GP1BA: variants seen among roughly 807,000 people sequenced by gnomAD.
GP1BA encodes the protein platelet glycoprotein Ib alpha chain.
Under a neutral mutation model 5.6 loss-of-function variants are expected in GP1BA, and 3 were observed. The observed-to-expected ratio is 0.53, with a 90% CI of 0.24 to 1.38. GP1BA has a LOEUF of 1.38. Among genes scored for constraint, GP1BA ranks in the 40% most tolerant of loss-of-function variants. GP1BA has a pLI of 0.16. For synonymous variants in GP1BA, 323 were observed against 358.3 expected (o/e 0.90, Z 1.11); for missense variants, 707 against 801.4 (o/e 0.88, Z 1.42).
chr17:4,934,606 C>T lies in GP1BA; in HGVS notation c.*43C>T, dbSNP rs749706554. 1.3e-6 allele frequency: 2 copies of T among 1,597,728 alleles called. No homozygotes were observed. Among genetic ancestry groups the T allele is most frequent in the Admixed American group, 1.7e-5 (1 of 57,292 alleles). On this transcript the variant is annotated 3_prime_UTR_variant, in exon 2 of 2. Coordinates refer to ENST00000329125, the MANE Select transcript of GP1BA (RefSeq NM_000173.7). ...ACCTTGAGAGAAGAGCCTGTGGGCT[C>T]TCCTATTGGAATCTAGTTGGGGGTT...
Position 4,934,561 on chromosome 17 carries a change from T to C in GP1BA, c.1957T>C (p.Ter653ArgextTer8), listed in dbSNP as rs754547537. ...VSIRYSGHSL* is the reference protein window; with the variant it reads ...VSIRYSGHSLR ...CATTAGGTACTCTGGCCACAGCCTCTGAGGGTGGGAGGTTTGGGGACCTTG... is the reference window on the plus strand; with the variant it reads ...CATTAGGTACTCTGGCCACAGCCTCCGAGGGTGGGAGGTTTGGGGACCTTG... The change falls in exon 2 of 2, where the codon TGA becomes CGA. Residue 653 changes from the stop codon to arginine, a stop_lost. Transcript: ENST00000329125. 1.9e-6 allele frequency: 3 copies of C among 1,613,656 alleles called. No individual in the cohort carries two copies. In the African/African-American group the frequency reaches 4.0e-5, roughly 22 times the overall value.
rs1970360253 is a variant in GP1BA, at chr17:4,932,763, C to T, written c.159C>T (p.His53=). The T allele has an allele frequency of 6.2e-7, 1 of 1,614,016 alleles. No individual in the cohort carries two copies. The highest frequency in any genetic ancestry group is 8.5e-7 in the Non-Finnish European group (1 of 1,179,884). The change falls in exon 2 of 2, where the codon CAC becomes CAT. Residue 53 remains histidine, a synonymous_variant. Transcript: ENST00000329125. The surrounding 1 kb of genome is among the most constrained non-coding windows in gnomAD (Gnocchi z 4.8). ...TGCCGAAAGACACAACCATCCTCCA[C>T]CTGAGTGAGAACCTCCTGTACACCT... The part of the protein sequence containing the change: ...PDLPKDTTIL[H]LSENLLYTFS...
chr17:4,934,479 A>T lies in GP1BA; in HGVS notation c.1875A>T (p.Gly625=). 1 of 1,613,788 alleles carries T rather than the reference A, an allele frequency of 6.2e-7. No individual in the cohort carries two copies. Among genetic ancestry groups the T allele is most frequent in the Non-Finnish European group, 8.5e-7 (1 of 1,179,856 alleles). ...PNGRVGPLVA[G]RRPSALSQGR... ...GCCGTGTGGGGCCTCTAGTGGCAGG[A>T]AGGAGGCCCTCAGCTCTGAGTCAGG... Residue 625 remains glycine, a synonymous_variant, in exon 2 of 2, where the codon GGA becomes GGT. Transcript: ENST00000329125.
chr17:4,934,676 T>C lies in GP1BA; in HGVS notation c.*113T>C. 9.4e-7 allele frequency: 1 copy of C among 1,063,898 alleles called. No homozygotes were observed. The allele number at this position is 1,063,898 out of a possible 1,614,324, so 65.9% of individuals were successfully genotyped here. ...GGTGATAGGGAGGGGTCTTAGTTCC[T>C]TTTTCTGTATCAGAAGCCCTGTCTT... On this transcript the variant is annotated 3_prime_UTR_variant, in exon 2 of 2. Transcript: ENST00000329125.
Position 4,933,469 on chromosome 17 carries a change from A to C in GP1BA, c.865A>C (p.Thr289Pro), listed in dbSNP as rs1391726045. 1 of 1,613,976 alleles carries C rather than the reference A, an allele frequency of 6.2e-7. No individual in the cohort carries two copies. Among genetic ancestry groups the C allele is most frequent in the Non-Finnish European group, 8.5e-7 (1 of 1,179,868 alleles). Residue 289 changes from threonine (T) to proline (P), a missense_variant, in exon 2 of 2, where the codon ACA becomes CCA. Coordinates refer to ENST00000329125, the MANE Select transcript of GP1BA (RefSeq NM_000173.7). ...GCPTLGDEGDTDLYDYYPEED... is the reference protein window; with the variant it reads ...GCPTLGDEGDPDLYDYYPEED... Reference sequence around the variant, plus strand: ...CCCCACCCTTGGTGATGAAGGTGACACAGACCTATATGATTACTACCCAGA... The same window carrying C: ...CCCCACCCTTGGTGATGAAGGTGACCCAGACCTATATGATTACTACCCAGA...
At position 4,932,653 on chromosome 17, in the gene GP1BA, C is replaced by T. The variant is rs760705175; in HGVS notation, c.49C>T (p.His17Tyr). Residue 17 changes from histidine (H) to tyrosine (Y), a missense_variant, in exon 2 of 2, where the codon CAC (histidine) becomes TAC (tyrosine). This residue lies in a region of GP1BA where 442 missense variants were observed against 498.8 expected (regional missense o/e 0.89). Coordinates refer to ENST00000329125, the MANE Select transcript of GP1BA (RefSeq NM_000173.7). This position sits in a 1 kb window ranked among gnomAD's most constrained non-coding sequence, Gnocchi z 4.8. The stretch of plus-strand genomic sequence containing the variant: ...CCTGCTGCCAAGCCCCTTACACCCC[C>T]ACCCCATCTGTGAGGTCTCCAAAGT... ...LLLLPSPLHP[H>Y]PICEVSKVAS... The T allele has an allele frequency of 6.2e-7, 1 of 1,613,914 alleles. No homozygotes were observed. Among genetic ancestry groups the T allele is most frequent in the Admixed American group, 1.7e-5 (1 of 60,012 alleles).
rs1279787475 is a variant in GP1BA, at chr17:4,934,793, G to T, written c.*230G>T. 2.0e-5 allele frequency: 12 copies of T among 599,462 alleles called. 1 individual carries two copies. In the East Asian group the frequency reaches 3.5e-4, roughly 17 times the overall value. 37.1% of individuals were successfully genotyped at this position (599,462 alleles called of 1,614,324 possible). A position where few individuals can be genotyped will look rare whatever the true frequency, so the allele number is the denominator to read the frequency against. ...GGGACAAGACAAAGCTCCCGATGCT[G>T]CATGGGGCGCTGCCAGATCTCACGG... On this transcript the variant is annotated 3_prime_UTR_variant, in exon 2 of 2. Transcript: ENST00000329125.
Position 4,933,069 on chromosome 17 carries a change from GC to G in GP1BA, c.470del (p.Pro157GlnfsTer4). 6 of 1,614,000 alleles carry G rather than the reference GC, an allele frequency of 3.7e-6. No individual in the cohort carries two copies. Among genetic ancestry groups the G allele is most frequent in the Non-Finnish European group, 5.1e-6 (6 of 1,179,892 alleles). On this transcript the variant is annotated frameshift_variant, in exon 2 of 2. Coordinates refer to ENST00000329125, the MANE Select transcript of GP1BA (RefSeq NM_000173.7). LOFTEE classifies it low-confidence loss of function (END_TRUNC). Reference protein sequence around the residue: ...YLKGNELKTLPPGLLTPTPKL... With the variant: ...YLKGNELKTLXPGLLTPTPKL... ...TGAAAGGCAATGAGCTGAAGACCCT[GC>G]CCCCAGGGCTCCTGACGCCCACACC...
Position 4,932,461 on chromosome 17 carries a change from G to A in GP1BA, c.-7+96G>A. On this transcript the variant is annotated intron_variant, in intron 1 of 1. Coordinates refer to ENST00000329125, the MANE Select transcript of GP1BA (RefSeq NM_000173.7). The surrounding 1 kb of genome is among the most constrained non-coding windows in gnomAD (Gnocchi z 4.8). ...GTAGTTTTAAGTTCTGCAGGCAAGG[G>A]TGGGAGATGGGAGTAGGGAGGACAG... 7.7e-7 allele frequency: 1 copy of A among 1,301,474 alleles called. No homozygotes were observed. Among genetic ancestry groups the A allele is most frequent in the Non-Finnish European group, 1.0e-6 (1 of 975,576 alleles). 80.6% of individuals were successfully genotyped at this position (1,301,474 alleles called of 1,614,324 possible). A position where few individuals can be genotyped will look rare whatever the true frequency, so the allele number is the denominator to read the frequency against.
Position 4,934,450 on chromosome 17 carries a change from AATGGC to A in GP1BA, c.1847_1851del (p.Asn616ThrfsTer29). 1 of 1,611,782 alleles carries A rather than the reference AATGGC, an allele frequency of 6.2e-7. No individual in the cohort carries two copies. Among genetic ancestry groups the A allele is most frequent in the Non-Finnish European group, 8.5e-7 (1 of 1,177,866 alleles). ...CAGCCTCTTCCTGTGGGTACGGCCT[AATGGC>A]CGTGTGGGGCCTCTAGTGGCAGGAA... On this transcript the variant is annotated frameshift_variant, in exon 2 of 2. Transcript: ENST00000329125. LOFTEE classifies it high-confidence loss of function.
chr17:4,933,144 C>G lies in GP1BA; in HGVS notation c.540C>G (p.Pro180=), dbSNP rs1275586054. The G allele has an allele frequency of 6.2e-7, 1 of 1,613,792 alleles. No homozygotes were observed. The highest frequency in any genetic ancestry group is 2.2e-5 in the East Asian group (1 of 44,902). ...CTAACAACAACTTGACTGAGCTCCC[C>G]GCTGGGCTCCTGAATGGGCTGGAGA... ...SLANNNLTEL[P]AGLLNGLENL... Residue 180 remains proline (P), a synonymous_variant, in exon 2 of 2, where the codon CCC becomes CCG. Coordinates refer to ENST00000329125, the MANE Select transcript of GP1BA (RefSeq NM_000173.7).
rs1970361942 is a variant in GP1BA at position 4,932,827 on chromosome 17, C to A, written c.223C>A (p.Gln75Lys). ...CCTGATGCCTTACACTCGCCTCACTCAGCTGAACCTAGATAGGTGCGAGCT... is the reference window on the plus strand; with the variant it reads ...CCTGATGCCTTACACTCGCCTCACTAAGCTGAACCTAGATAGGTGCGAGCT... ...ATLMPYTRLTQLNLDRCELTK... is the reference protein window; with the variant it reads ...ATLMPYTRLTKLNLDRCELTK... Residue 75 changes from glutamine (Q) to lysine (K), a missense_variant, in exon 2 of 2, where the codon CAG becomes AAG. Physicochemically the swap from Gln to Lys is moderately conservative, Grantham distance 53. This residue lies in a region of GP1BA where 442 missense variants were observed against 498.8 expected (regional missense o/e 0.89). Coordinates refer to ENST00000329125, the MANE Select transcript of GP1BA (RefSeq NM_000173.7). This position sits in a 1 kb window ranked among gnomAD's most constrained non-coding sequence, Gnocchi z 4.8. 6.2e-7 allele frequency: 1 copy of A among 1,613,940 alleles called. No homozygotes were observed. Among genetic ancestry groups the A allele is most frequent in the Non-Finnish European group, 8.5e-7 (1 of 1,179,900 alleles).
rs1248627609 is a variant in GP1BA at position 4,933,640 on chromosome 17, C to A, written c.1036C>A (p.Gln346Lys). ...AATGCCCTCCTCCTTGCATCCAACA[C>A]AAGAATCCACTAAGGAGCAGACCAC... ...SQMPSSLHPT[Q>K]ESTKEQTTFP... Residue 346 changes from glutamine (Q) to lysine (K), a missense_variant, in exon 2 of 2, where the codon CAA becomes AAA. Around this residue, in one of 3 missense-constraint regions of GP1BA, gnomAD observed 442 missense variants for 498.8 expected, o/e 0.89. Transcript: ENST00000329125. 4 of 1,613,790 alleles carry A rather than the reference C, an allele frequency of 2.5e-6. No individual in the cohort carries two copies. The highest frequency in any genetic ancestry group is 3.4e-6 in the Non-Finnish European group (4 of 1,179,834).
Position 4,933,990 on chromosome 17 carries a change from G to C in GP1BA, c.1386G>C (p.Pro462=), listed in dbSNP as rs144154023. ...CAATCCCGACCATCGCCACAAGCCC[G>C]ACCATCCTGGTGTCTGCCACAAGCC... ...PTPIPTIATS[P]TILVSATSLI... The change falls in exon 2 of 2, where the codon CCG becomes CCC. Residue 462 remains proline (P), a synonymous_variant. Transcript: ENST00000329125. 1.2e-5 allele frequency: 19 copies of C among 1,571,102 alleles called. No individual in the cohort carries two copies. Among genetic ancestry groups the C allele is most frequent in the Non-Finnish European group, 1.6e-5 (18 of 1,158,928 alleles).
chr17:4,934,306 G>A lies in GP1BA; in HGVS notation c.1702G>A (p.Gly568Ser), dbSNP rs945380048. 1.9e-6 allele frequency: 3 copies of A among 1,613,892 alleles called. No individual in the cohort carries two copies. In the Admixed American group the frequency reaches 5.0e-5, roughly 27 times the overall value. The change falls in exon 2 of 2, where the codon GGT becomes AGT. Residue 568 changes from glycine to serine, a missense_variant. This residue lies in a region of GP1BA where 247 missense variants were observed against 246.6 expected (regional missense o/e 1.00). Transcript: ENST00000329125. ...ACCACAGGCCCTGGACTCTGGCCAA[G>A]GTGCTGCTCTGACCACAGCCACACA... ...VKPQALDSGQ[G>S]AALTTATQTT...
chr17:4,933,785 A>T lies in GP1BA; in HGVS notation c.1181A>T (p.Glu394Val). The change falls in exon 2 of 2, where the codon GAG becomes GTG. Residue 394 changes from glutamate to valine, a missense_variant. Glu to Val is a moderately radical substitution (Grantham distance 121, BLOSUM62 -2). Transcript: ENST00000329125. ...CCGACCACCTCAGAGCCCGTCCCGGAGCCCGCCCCAAACATGACCACCCTG... is the reference window on the plus strand; with the variant it reads ...CCGACCACCTCAGAGCCCGTCCCGGTGCCCGCCCCAAACATGACCACCCTG... ...PSPTTSEPVPEPAPNMTTLEP... is the reference protein window; with the variant it reads ...PSPTTSEPVPVPAPNMTTLEP... 6.2e-7 allele frequency: 1 copy of T among 1,612,560 alleles called. No individual in the cohort carries two copies. The highest frequency in any genetic ancestry group is 8.5e-7 in the Non-Finnish European group (1 of 1,179,488).
rs551372421 is a variant in GP1BA, at chr17:4,934,858, A to G, written c.*295A>G. On this transcript the variant is annotated 3_prime_UTR_variant, in exon 2 of 2. Transcript: ENST00000329125. Reference sequence around the variant, plus strand: ...AGAATACAGCATGGTTCCCACATGCATCTATGCACAGAAGAAAATCTGGAA... The same window carrying G: ...AGAATACAGCATGGTTCCCACATGCGTCTATGCACAGAAGAAAATCTGGAA... The G allele has an allele frequency of 1.3e-4, 64 of 487,836 alleles. No individual in the cohort carries two copies. The highest frequency in any genetic ancestry group is 1.2e-3 in the East Asian group (30 of 25,876). The allele number at this position is 487,836 out of a possible 1,614,324, so 30.2% of individuals were successfully genotyped here. A position where few individuals can be genotyped will look rare whatever the true frequency, so the allele number is the denominator to read the frequency against.
At position 4,934,128 on chromosome 17, in the gene GP1BA, C is replaced by T. The variant is rs1970387936; in HGVS notation, c.1524C>T (p.Leu508=). ...LDQPPKLRGV[L]QGHLESSRND... ...AGCCACCAAAGCTCCGTGGGGTGCT[C>T]CAAGGGCATTTGGAGAGCTCCAGAA... The change falls in exon 2 of 2, where the codon CTC becomes CTT. Residue 508 remains leucine, a synonymous_variant. Transcript: ENST00000329125. 1.2e-6 allele frequency: 2 copies of T among 1,613,728 alleles called. No homozygotes were observed. The highest frequency in any genetic ancestry group is 1.1e-5 in the South Asian group (1 of 91,084).
Position 4,934,130 on chromosome 17 carries a change from A to G in GP1BA, c.1526A>G (p.Gln509Arg). ...CCACCAAAGCTCCGTGGGGTGCTCCAAGGGCATTTGGAGAGCTCCAGAAAT... is the reference window on the plus strand; with the variant it reads ...CCACCAAAGCTCCGTGGGGTGCTCCGAGGGCATTTGGAGAGCTCCAGAAAT... ...DQPPKLRGVL[Q>R]GHLESSRNDP... is the part of the protein sequence containing the mutation. Residue 509 changes from glutamine (Q) to arginine (R), a missense_variant, in exon 2 of 2, where the codon CAA becomes CGA. By Grantham distance (43) the Gln-to-Arg change is conservative. Around this residue, in one of 3 missense-constraint regions of GP1BA, gnomAD observed 247 missense variants for 246.6 expected, o/e 1.00. Transcript: ENST00000329125. The G allele has an allele frequency of 6.2e-7, 1 of 1,613,844 alleles. No individual in the cohort carries two copies. The highest frequency in any genetic ancestry group is 8.5e-7 in the Non-Finnish European group (1 of 1,179,894).
Sources: gnomAD v4.1 joint callset for allele counts on GRCh38, gnomAD v4.1.1 for gene constraint, gnomAD v4.1.1 regional missense constraint, Gnocchi (gnomAD v3.1) non-coding constraint, MANE v1.5 for transcripts, NCBI Gene and HGNC (gene_info 2026-07-23, HGNC 2026-07-21) for gene names.